ARMC3: variants seen among roughly 807,000 people sequenced by gnomAD.
ARMC3 encodes the protein armadillo repeat-containing protein 3.
Under a neutral mutation model 90.3 loss-of-function variants are expected in ARMC3, and 74 were observed. The observed-to-expected ratio is 0.82, with a 90% CI of 0.68 to 0.99. The LOEUF (loss-of-function observed/expected upper bound fraction) is 0.99, where lower values mean the gene tolerates loss of function less well. Ranked by LOEUF, ARMC3 falls within the 50% of genes least tolerant of loss-of-function variation. ARMC3 has a pLI of 0.00. For synonymous variants in ARMC3, 334 were observed against 361.8 expected (o/e 0.92, Z 0.87); for missense variants, 958 against 1,042.8 (o/e 0.92, Z 1.12).
chr10:22,956,163 G>T (rs1292736129), intron 4 of ARMC3, among the ~76,000 whole-genome samples: 2 of 152,098 alleles, frequency 1.3e-5, no homozygotes, highest in Non-Finnish European at 2.9e-5. Context: ...CTCAGAATTG[G>T]TGATGTAGTC....
chr10:23,001,933 T>C lies in ARMC3; in HGVS notation c.1440T>C (p.Gly480=), dbSNP rs751386286. 3.1e-6 allele frequency: 5 copies of C among 1,613,380 alleles called. No individual in the cohort carries two copies. The African/African-American group carries it at 6.7e-5, about 22-fold the overall frequency. The change falls in exon 12 of 19, where the codon GGT becomes GGC. Residue 480 remains glycine (G), a synonymous_variant. Coordinates refer to ENST00000298032, the MANE Select transcript of ARMC3 (RefSeq NM_173081.5). ...TCTGCTTTTAGTTAAGAAATTCTGGTGGATTGGAGCCCCTGGTAGAGCTGC... is the reference window on the plus strand; with the variant it reads ...TCTGCTTTTAGTTAAGAAATTCTGGCGGATTGGAGCCCCTGGTAGAGCTGC... ...VEARTELRNS[G]GLEPLVELLR...
chr10:23,030,723 A>C lies in ARMC3; in HGVS notation c.2173A>C (p.Met725Leu), dbSNP rs1588943250. 1.2e-6 allele frequency: 2 copies of C among 1,613,732 alleles called. No homozygotes were observed. The highest frequency in any genetic ancestry group is 1.7e-6 in the Non-Finnish European group (2 of 1,179,820). Residue 725 changes from methionine (M) to leucine (L), a missense_variant, in exon 17 of 19, where the codon ATG becomes CTG. By Grantham distance (15) the Met-to-Leu change is conservative (BLOSUM62 2). Coordinates refer to ENST00000298032, the MANE Select transcript of ARMC3 (RefSeq NM_173081.5). ...TCCTCCCTCTGACCCTGATTTCTCT[A>C]TGTATGTGTATGAGGTGACCAAATC... is the stretch of plus-strand genomic sequence containing the variant. ...WCPPSDPDFS[M>L]YVYEVTKSIL...
chr10:22,964,781 A>G (rs80138011), intron 7 of ARMC3, among the ~76,000 whole-genome samples: 15,100 of 150,656 alleles, frequency 0.1, 870 homozygotes, highest in African/African-American at 0.15. Context: ...TTACATTTTA[A>G]TTCGTCTCTT....
At chr10:22,982,560 T>C (rs1160034481) in intron 10 of ARMC3, among the ~76,000 whole-genome samples, 1 of 152,196 alleles carries the variant, frequency 6.6e-6, no homozygotes, top group Non-Finnish European at 1.5e-5. Context: ...TACTTAATTT[T>C]CCCAGGTACA....
chr10:23,030,215 G>A (rs1053993986), intron 16 of ARMC3, among the ~76,000 whole-genome samples: 3 of 152,084 alleles, frequency 2.0e-5, no homozygotes, highest in African/African-American at 7.2e-5. Flanking sequence ...ATAAAATACA[G>A]TCATTCCTCA....
chr10:23,009,362 C>G (rs1364601015), intron 16 of ARMC3, among the ~76,000 whole-genome samples: 1 of 152,198 alleles, frequency 6.6e-6, no homozygotes, highest in East Asian at 1.9e-4. Flanking sequence ...CTTTTGCTTC[C>G]ACGGCCCTCC....
rs1257391691 is a variant in ARMC3 at position 22,981,366 on chromosome 10, C to T, written c.943C>T (p.Gln315Ter). Residue 315 changes from glutamine to a stop codon, truncating the protein, a stop_gained, in exon 9 of 19, where the codon CAA becomes TAA. Transcript: ENST00000298032. LOFTEE classifies it high-confidence loss of function. ...TGAAAATAGAAAACTTTTTCATGAA[C>T]AAGAGGTTGAAAAGTGCCTTGTAGC... ...DPENRKLFHE[Q>*]EVEKCLVALL... The T allele has an allele frequency of 1.9e-6, 3 of 1,604,772 alleles. No individual in the cohort carries two copies. The highest frequency in any genetic ancestry group is 1.3e-5 in the African/African-American group (1 of 74,376).
intron 2 of ARMC3, among the ~76,000 whole-genome samples, chr10:22,945,297 A>C (rs566922821): frequency 7.9e-5 from 12 of 152,212 alleles, no homozygotes; most frequent in Non-Finnish European, 1.0e-4. Flanking sequence ...AAAGCTTTGA[A>C]ATACAGTTTT....
At chr10:22,959,229 G>A in intron 5 of ARMC3, 91 bp downstream of exon 5, 1 of 1,389,002 alleles carries the variant, frequency 7.2e-7, no homozygotes, top group Non-Finnish European at 1.0e-6. Flanking sequence ...ATGAAATATT[G>A]TAAAGTGTTA....
At chr10:23,010,886 C>T (rs1274476782) in intron 16 of ARMC3, among the ~76,000 whole-genome samples, 1 of 17,992 alleles carries the variant, frequency 5.6e-5, no homozygotes, top group Non-Finnish European at 1.7e-4. Flanking sequence ...TTCCCTTTCC[C>T]TCCCACTCCT....
intron 8 of ARMC3, among the ~76,000 whole-genome samples, chr10:22,975,880 G>A (rs1024738681): frequency 1.3e-5 from 2 of 152,094 alleles, no homozygotes; most frequent in East Asian, 3.9e-4. Context: ...GACCATCTCT[G>A]TTCTCCTTTC....
intron 2 of ARMC3, among the ~76,000 whole-genome samples, chr10:22,945,097 G>A (rs970937053): frequency 6.6e-6 from 1 of 152,154 alleles, no homozygotes; most frequent in East Asian, 1.9e-4. Flanking sequence ...TATCCTGGCT[G>A]TGTCCTTTCA....
chr10:22,959,026 T>C, intron 4 of ARMC3, 44 bp from the exon 5 acceptor site: 1 of 1,455,668 alleles, frequency 6.9e-7, no homozygotes, highest in Non-Finnish European at 9.6e-7. Context: ...CCCGGCCTAT[T>C]ATTATTATTA....
At chr10:23,029,244 G>A (rs1404198749) in intron 16 of ARMC3, among the ~76,000 whole-genome samples, 1 of 152,160 alleles carries the variant, frequency 6.6e-6, no homozygotes, top group Non-Finnish European at 1.5e-5. Flanking sequence ...TCCAGTTACT[G>A]GGCTAAGTTT....
intron 2 of ARMC3, among the ~76,000 whole-genome samples, chr10:22,938,708 C>A (rs983991992): frequency 6.6e-6 from 1 of 152,072 alleles, no homozygotes; most frequent in African/African-American, 2.4e-5. Flanking sequence ...GGAAGTACAA[C>A]ATACTGAAAT....
intron 11 of ARMC3, among the ~76,000 whole-genome samples, chr10:23,000,404 A>G (rs1019441999): frequency 6.6e-6 from 1 of 151,942 alleles, no homozygotes; most frequent in Non-Finnish European, 1.5e-5. Flanking sequence ...ATCTTTCTCT[A>G]TGCTCCCATT....
At chr10:23,023,191 G>A (rs2131543063) in intron 16 of ARMC3, among the ~76,000 whole-genome samples, 1 of 152,218 alleles carries the variant, frequency 6.6e-6, no homozygotes, top group East Asian at 1.9e-4. Flanking sequence ...TCCCAGAACG[G>A]GGAAACCCCT....
chr10:23,014,125 C>A (rs200207771), intron 16 of ARMC3: 879 of 1,549,598 alleles, frequency 5.7e-4, no homozygotes, highest in Non-Finnish European at 7.3e-4. Flanking sequence ...AAGATAAACC[C>A]TGAAGCACTC....
chr10:22,947,678 A>G (rs1318512894), intron 3 of ARMC3, among the ~76,000 whole-genome samples: 1 of 152,234 alleles, frequency 6.6e-6, no homozygotes, highest in African/African-American at 2.4e-5. Context: ...CAGTGTCTTC[A>G]TATTAGTTCA....
Sources: allele counts gnomAD v4.1 joint callset (sites outside exome capture counted in the v4.1 genomes callset), GRCh38; gene constraint gnomAD v4.1.1; transcripts MANE v1.5; gene names NCBI Gene and HGNC (gene_info 2026-07-23, HGNC 2026-07-21).